Variants in PDE1A observed in about 807,000 individuals in gnomAD.
The protein encoded by PDE1A is dual specificity calcium/calmodulin-dependent 3',5'-cyclic nucleotide phosphodiesterase 1A.
A neutral mutation model predicts 61.7 loss-of-function variants in PDE1A; 35 were observed. The observed-to-expected ratio is 0.57, with a 90% CI of 0.43 to 0.75. The LOEUF is 0.75. Ranked by LOEUF, PDE1A falls within the 30% of genes least tolerant of loss-of-function variation. The probability of loss-of-function intolerance (pLI) is 0.00; values close to 1 mark genes in which losing one functional copy is unlikely to be tolerated. For synonymous variants in PDE1A, 232 were observed against 213.2 expected (o/e 1.09, Z -0.77); for missense variants, 597 against 630.6 (o/e 0.95, Z 0.57).
chr2:182,203,051 C>T (rs1345292808), intron 8 of PDE1A, among the ~76,000 whole-genome samples: 1 of 152,156 alleles, frequency 6.6e-6, no homozygotes, highest in African/African-American at 2.4e-5. Context: ...CATGGTGGCT[C>T]ACGCCTGTAA....
downstream of PDE1A, among the ~76,000 whole-genome samples, chr2:182,167,290 A>G (rs984281491): frequency 1.3e-5 from 2 of 152,136 alleles, no homozygotes; most frequent in Non-Finnish European, 2.9e-5. Context: ...CTTTAAGAAG[A>G]CTGAGGGCCA....
At chr2:182,224,031 G>A in intron 6 of PDE1A, 67 bp from the exon 7 acceptor site, 1 of 1,056,092 alleles carries the variant, frequency 9.5e-7, no homozygotes, top group Non-Finnish European at 1.4e-6. Context: ...TCTTTGAAAA[G>A]GACTTTCAGT....
At chr2:182,543,120 G>A in the PDE1A span, among the ~76,000 whole-genome samples, 3 of 152,076 alleles carry the variant, frequency 2.0e-5, no homozygotes, top group African/African-American at 7.2e-5. Flanking sequence ...AGCCATCAGA[G>A]GAGACCACTC....
the PDE1A span, among the ~76,000 whole-genome samples, chr2:182,577,990 A>AGGGAGGG: frequency 4.4e-5 from 6 of 137,500 alleles, no homozygotes; most frequent in African/African-American, 1.7e-4. Flanking sequence ...GGAAGGAAGG[A>AGGGAGGG]AGGGACGGAG....
chr2:182,523,999 CAGACA>C (rs1361434360), upstream of PDE1A, among the ~76,000 whole-genome samples: 2 of 152,086 alleles, frequency 1.3e-5, no homozygotes, highest in African/African-American at 4.8e-5. Context: ...TTTCCTTTCT[CAGACA>C]AGATATTTCC....
the PDE1A span, among the ~76,000 whole-genome samples, chr2:182,564,805 A>G: frequency 3.3e-5 from 5 of 151,988 alleles, no homozygotes; most frequent in African/African-American, 4.8e-5. Context: ...CACTCATTTC[A>G]TATTCCATCA....
At chr2:182,185,016 ATTG>A (rs1375955199) in intron 13 of PDE1A, among the ~76,000 whole-genome samples, 1 of 152,202 alleles carries the variant, frequency 6.6e-6, no homozygotes, top group Admixed American at 6.5e-5. Flanking sequence ...ACGTTTCAAT[ATTG>A]TGTCTTTCTG....
downstream of PDE1A, among the ~76,000 whole-genome samples, chr2:182,163,668 AAG>A (rs1691503948): frequency 6.6e-6 from 1 of 152,178 alleles, no homozygotes; most frequent in African/African-American, 2.4e-5. Flanking sequence ...ATAACTGAGA[AAG>A]AAGCACAATT....
the PDE1A span, among the ~76,000 whole-genome samples, chr2:182,622,979 G>T: frequency 6.6e-6 from 1 of 152,108 alleles, no homozygotes; most frequent in Non-Finnish European, 1.5e-5. Flanking sequence ...CCCAAAAGAG[G>T]ATATGGCTTA....
chr2:182,519,300 A>AATCAGGTC (rs1690411344), intron 2 of PDE1A, among the ~76,000 whole-genome samples: 1 of 152,080 alleles, frequency 6.6e-6, no homozygotes, highest in Non-Finnish European at 1.5e-5. Context: ...TTTAAATCTA[A>AATCAGGTC]TTTATGAAAG....
chr2:182,478,096 A>G (rs1289491957), intron 2 of PDE1A, among the ~76,000 whole-genome samples: 1 of 151,924 alleles, frequency 6.6e-6, no homozygotes, highest in Non-Finnish European at 1.5e-5. Flanking sequence ...TCAAACCAGT[A>G]TACACCAACG....
chr2:182,247,934 G>A (rs1444977537), intron 2 of PDE1A, among the ~76,000 whole-genome samples: 1 of 152,148 alleles, frequency 6.6e-6, no homozygotes, highest in Non-Finnish European at 1.5e-5. Context: ...AAAGGGCAGA[G>A]TGTGCATAAT....
chr2:182,263,650 T>C (rs1349924939), intron 2 of PDE1A, among the ~76,000 whole-genome samples: 1 of 152,224 alleles, frequency 6.6e-6, no homozygotes, highest in Non-Finnish European at 1.5e-5. Flanking sequence ...AGGAACCAGA[T>C]ATCTTTGAAC....
chr2:182,380,261 C>T (rs1181835389), intron 1 of PDE1A, among the ~76,000 whole-genome samples: 1 of 152,082 alleles, frequency 6.6e-6, no homozygotes, highest in Non-Finnish European at 1.5e-5. Flanking sequence ...CAGGCTCCTG[C>T]CACCACGCCA....
chr2:182,308,320 C>A (rs1695736409), intron 1 of PDE1A, among the ~76,000 whole-genome samples: 1 of 152,036 alleles, frequency 6.6e-6, no homozygotes, highest in Non-Finnish European at 1.5e-5. Context: ...TTTTATTTAA[C>A]TCCAATAAAG....
At chr2:182,557,371 T>C in the PDE1A span, among the ~76,000 whole-genome samples, 358 of 152,330 alleles carry the variant, frequency 2.4e-3, no homozygotes, top group South Asian at 5.0e-3. Context: ...TGCACTGTCA[T>C]CTCTAGATTA....
chr2:182,577,863 T>G, the PDE1A span, among the ~76,000 whole-genome samples: 8 of 150,306 alleles, frequency 5.3e-5, no homozygotes, highest in Non-Finnish European at 7.4e-5. Flanking sequence ...GAGGTTGCAG[T>G]GAGCCTAGAT....
the PDE1A span, among the ~76,000 whole-genome samples, chr2:182,595,216 G>A: frequency 0.01 from 1,560 of 152,104 alleles, 25 homozygotes; most frequent in African/African-American, 0.035. Flanking sequence ...GGAAGAAAAT[G>A]CTTTTTAAGA....
intron 1 of PDE1A, among the ~76,000 whole-genome samples, chr2:182,340,670 AAGG>A (rs1365432481): frequency 1.3e-5 from 2 of 152,212 alleles, no homozygotes; most frequent in Non-Finnish European, 2.9e-5. Context: ...GCTAGAATGT[AAGG>A]GACAATAGCT....
Sources: gnomAD v4.1 joint callset for allele counts (sites outside exome capture counted in the v4.1 genomes callset) on GRCh38, gnomAD v4.1.1 for gene constraint, MANE v1.5 for transcripts, NCBI Gene and HGNC (gene_info 2026-07-23, HGNC 2026-07-21) for gene names.